AGBL1: variants seen among roughly 807,000 people sequenced by gnomAD.
AGBL1 encodes the protein cytosolic carboxypeptidase 4.
In AGBL1, 130 loss-of-function variants were observed where a neutral mutation model predicts 118.9. The observed-to-expected ratio is 1.09, with a 90% confidence interval of 0.95 to 1.26. AGBL1 has a LOEUF of 1.26. Ranked by LOEUF, AGBL1 falls within the 50% of genes most tolerant of loss-of-function variation. The pLI is 0.00. For missense variants in AGBL1, 1,584 were observed against 1,298.1 expected (o/e 1.22, Z -3.38); for synonymous variants, 555 against 478.9 (o/e 1.16, Z -2.08).
chr15:86,297,862 A>G (rs1278068788), intron 17 of AGBL1, among the ~76,000 whole-genome samples: 1 of 152,128 alleles, frequency 6.6e-6, no homozygotes, highest in African/African-American at 2.4e-5. Flanking sequence ...CTCCTTTGTT[A>G]TAACACATGT....
At chr15:86,379,213 G>A (rs975266709) in intron 17 of AGBL1, among the ~76,000 whole-genome samples, 2 of 151,250 alleles carry the variant, frequency 1.3e-5, no homozygotes, top group South Asian at 2.1e-4. Context: ...GTGCCTGGCC[G>A]GTCACTTTAG....
chr15:86,725,361 T>A (rs567988573), intron 22 of AGBL1, among the ~76,000 whole-genome samples: 55 of 152,154 alleles, frequency 3.6e-4, no homozygotes, highest in Non-Finnish European at 4.3e-4. Context: ...GTGGTATAGA[T>A]CTCTAGGATA....
intron 22 of AGBL1, among the ~76,000 whole-genome samples, chr15:86,781,399 A>G (rs1043695804): frequency 2.0e-5 from 3 of 152,298 alleles, no homozygotes; most frequent in East Asian, 1.9e-4. Context: ...TAATATTTCA[A>G]TGTAACACCT....
At chr15:86,746,719 C>T (rs955063922) in intron 22 of AGBL1, among the ~76,000 whole-genome samples, 8 of 151,956 alleles carry the variant, frequency 5.3e-5, no homozygotes, top group African/African-American at 1.9e-4. Flanking sequence ...TTTATGGCAG[C>T]CACTGTATCT....
At chr15:86,997,978 T>C (rs1342558646) in intron 24 of AGBL1, among the ~76,000 whole-genome samples, 1 of 151,878 alleles carries the variant, frequency 6.6e-6, no homozygotes, top group African/African-American at 2.4e-5. Flanking sequence ...TTCTTATACT[T>C]TACATGTTCT....
intron 1 of AGBL1, among the ~76,000 whole-genome samples, chr15:86,099,647 C>G (rs1042352647): frequency 6.6e-6 from 1 of 150,948 alleles, no homozygotes; most frequent in Non-Finnish European, 1.5e-5. Context: ...TCAAGCGATT[C>G]TCCTGCCTCA....
chr15:86,585,082 G>A (rs1055682836), intron 21 of AGBL1, among the ~76,000 whole-genome samples: 2 of 152,130 alleles, frequency 1.3e-5, no homozygotes, highest in African/African-American at 2.4e-5. Context: ...AGAAGTTTTG[G>A]TGGAGTATTT....
At chr15:86,941,394 G>GAGT (rs2080749867) in intron 23 of AGBL1, among the ~76,000 whole-genome samples, 1 of 152,156 alleles carries the variant, frequency 6.6e-6, no homozygotes, top group African/African-American at 2.4e-5. Context: ...GAGTAATCAG[G>GAGT]AATTAGGTCA....
chr15:86,420,010 T>C (rs1324027576), intron 18 of AGBL1, among the ~76,000 whole-genome samples: 1 of 152,120 alleles, frequency 6.6e-6, no homozygotes, highest in African/African-American at 2.4e-5. Flanking sequence ...ACAGAGCACC[T>C]GGGGGAAGGG....
At chr15:86,326,684 T>G (rs1468894660) in intron 17 of AGBL1, among the ~76,000 whole-genome samples, 1 of 152,208 alleles carries the variant, frequency 6.6e-6, no homozygotes. Context: ...TTGTTGTTGT[T>G]AATTTTTTAC....
chr15:86,241,570 A>G (rs1037399016), intron 6 of AGBL1, among the ~76,000 whole-genome samples: 3 of 152,116 alleles, frequency 2.0e-5, no homozygotes, highest in African/African-American at 7.2e-5. Flanking sequence ...AGGGTGTGGC[A>G]TCTGGTGAGG....
chr15:86,760,813 G>A (rs907685036), intron 22 of AGBL1, among the ~76,000 whole-genome samples: 7 of 151,990 alleles, frequency 4.6e-5, no homozygotes, highest in African/African-American at 1.7e-4. Context: ...GAAATTAATT[G>A]TGTCTTCCTA....
chr15:86,199,627 A>C (rs1002676400), intron 5 of AGBL1, among the ~76,000 whole-genome samples: 1 of 152,188 alleles, frequency 6.6e-6, no homozygotes, highest in Non-Finnish European at 1.5e-5. Flanking sequence ...GGAAATTGTG[A>C]CATTACTCAG....
chr15:86,792,979 C>T (rs1217419319), intron 22 of AGBL1, among the ~76,000 whole-genome samples: 1 of 151,760 alleles, frequency 6.6e-6, no homozygotes, highest in East Asian at 1.9e-4. Context: ...ACTTTTGTGC[C>T]TCTTGATAAC....
intron 22 of AGBL1, among the ~76,000 whole-genome samples, chr15:86,681,905 A>C (rs1761770251): frequency 6.6e-6 from 1 of 152,174 alleles, no homozygotes; most frequent in African/African-American, 2.4e-5. Context: ...CCAAAATGGG[A>C]AATTTGGGAT....
chr15:86,467,230 G>A (rs1029535021), intron 18 of AGBL1, among the ~76,000 whole-genome samples: 1 of 152,184 alleles, frequency 6.6e-6, no homozygotes, highest in Non-Finnish European at 1.5e-5. Flanking sequence ...GCTGTGGTGG[G>A]CTCCGCCCAG....
chr15:86,536,907 A>G (rs1052967562), intron 19 of AGBL1, among the ~76,000 whole-genome samples: 1 of 152,202 alleles, frequency 6.6e-6, no homozygotes, highest in Non-Finnish European at 1.5e-5. Flanking sequence ...CTTCCGATGA[A>G]GACACGGAAG....
At chr15:86,530,047 C>T (rs1449973227) in intron 19 of AGBL1, among the ~76,000 whole-genome samples, 1 of 127,192 alleles carries the variant, frequency 7.9e-6, no homozygotes, top group South Asian at 2.7e-4. Flanking sequence ...GAAACTGCAT[C>T]AACTAACGAG....
intron 5 of AGBL1, 21 bp from the exon 6 acceptor site, chr15:86,224,889 GTTAC>G: frequency 1.2e-6 from 2 of 1,612,452 alleles, no homozygotes; most frequent in South Asian, 2.2e-5. Flanking sequence ...AATGTTGACT[GTTAC>G]TTTTCTTTCT....
Sources: allele counts gnomAD v4.1 joint callset (sites outside exome capture counted in the v4.1 genomes callset), GRCh38; gene constraint gnomAD v4.1.1; transcripts MANE v1.5; gene names NCBI Gene and HGNC (gene_info 2026-07-23, HGNC 2026-07-21).